LHFPL3: variants seen among roughly 807,000 people sequenced by gnomAD.
LHFPL3 encodes the protein LHFPL tetraspan subfamily member 3 protein.
LHFPL3 carries 5 observed loss-of-function variants against 19.3 expected under a neutral mutation model. The observed-to-expected ratio is 0.26, with a 90% CI of 0.14 to 0.54. LHFPL3 has a LOEUF of 0.54. LHFPL3 is among the 20% of genes least tolerant of loss of function. The probability of loss-of-function intolerance (pLI) is 0.94; values close to 1 mark genes in which losing one functional copy is unlikely to be tolerated. For missense variants in LHFPL3, 249 were observed against 307.4 expected (o/e 0.81, Z 1.42); for synonymous variants, 133 against 126.2 (o/e 1.05, Z -0.36).
chr7:104,824,754 TTATATATAA>T (rs1311723354), intron 2 of LHFPL3, among the ~76,000 whole-genome samples: 1 of 72,830 alleles, frequency 1.4e-5, no homozygotes, highest in Non-Finnish European at 2.7e-5. Flanking sequence ...TACTCATATA[TTATATATAA>T]TATATTATAT....
At chr7:104,571,174 TATA>T (rs1248723252) in intron 1 of LHFPL3, among the ~76,000 whole-genome samples, 1 of 152,242 alleles carries the variant, frequency 6.6e-6, no homozygotes, top group Non-Finnish European at 1.5e-5. Flanking sequence ...CTAAATGGAT[TATA>T]ATGTTAGTAA....
At chr7:104,620,814 C>T (rs1791431337) in intron 1 of LHFPL3, among the ~76,000 whole-genome samples, 1 of 152,192 alleles carries the variant, frequency 6.6e-6, no homozygotes, top group South Asian at 2.1e-4. Context: ...TACCCTGATA[C>T]CTTTCTGGCA....
At chr7:104,403,273 G>A (rs990553193) in intron 1 of LHFPL3, among the ~76,000 whole-genome samples, 3 of 152,172 alleles carry the variant, frequency 2.0e-5, no homozygotes, top group African/African-American at 7.2e-5. Flanking sequence ...TGACACACGG[G>A]CAAGGGTTGA....
At chr7:104,651,264 A>G (rs1792030005) in intron 1 of LHFPL3, among the ~76,000 whole-genome samples, 1 of 152,184 alleles carries the variant, frequency 6.6e-6, no homozygotes, top group South Asian at 2.1e-4. Context: ...AAGCTCTAAA[A>G]CTGGCAGAAA....
intron 1 of LHFPL3, among the ~76,000 whole-genome samples, chr7:104,726,763 C>T (rs1191194163): frequency 1.3e-5 from 2 of 152,140 alleles, no homozygotes; most frequent in East Asian, 1.9e-4. Context: ...TCCATGTCTT[C>T]GCTATTGTGA....
rs572768097 is a variant in LHFPL3, at chr7:104,437,375, C to T, written c.445+108151C>T. 1.7e-3 allele frequency among the ~76,000 whole-genome samples: 262 copies of T among 152,312 alleles called. 2 individuals are homozygous for T. The highest frequency in any genetic ancestry group is 6.1e-3 in the African/African-American group (252 of 41,562). ...AACACAACACAGAACACTTCTGATACAAGATGTGTGAGTTTTCCCCCACAT... is the reference window on the plus strand; with the variant it reads ...AACACAACACAGAACACTTCTGATATAAGATGTGTGAGTTTTCCCCCACAT... On this transcript the variant is annotated intron_variant, in intron 1 of 2. Transcript: ENST00000424859.
At chr7:104,645,671 T>TTC (rs1163238900) in intron 1 of LHFPL3, among the ~76,000 whole-genome samples, 3 of 136,888 alleles carry the variant, frequency 2.2e-5, no homozygotes, top group Non-Finnish European at 4.7e-5. Flanking sequence ...TTTTTTTTTT[T>TTC]TTTTTTTTAG....
intron 1 of LHFPL3, among the ~76,000 whole-genome samples, chr7:104,533,790 G>T (rs1425662537): frequency 6.6e-6 from 1 of 152,052 alleles, no homozygotes; most frequent in Non-Finnish European, 1.5e-5. Flanking sequence ...CGTGATCTTT[G>T]GTCTCCCTTT....
At chr7:104,352,611 T>C (rs759885799) in intron 1 of LHFPL3, among the ~76,000 whole-genome samples, 3 of 152,184 alleles carry the variant, frequency 2.0e-5, no homozygotes, top group Non-Finnish European at 4.4e-5. Context: ...ACCCTGCAAA[T>C]TGGAATTCCT....
intron 1 of LHFPL3, among the ~76,000 whole-genome samples, chr7:104,471,321 A>T (rs1480092005): frequency 6.6e-6 from 1 of 152,218 alleles, no homozygotes; most frequent in Non-Finnish European, 1.5e-5. Flanking sequence ...CCTTGACAAT[A>T]GTCAGTTGTG....
At chr7:104,540,350 C>G (rs1029492832) in intron 1 of LHFPL3, among the ~76,000 whole-genome samples, 11 of 152,058 alleles carry the variant, frequency 7.2e-5, no homozygotes, top group African/African-American at 2.7e-4. Context: ...GATTTTGCCC[C>G]CCAGGTTACA....
At chr7:104,602,535 C>T (rs1353472981) in intron 1 of LHFPL3, among the ~76,000 whole-genome samples, 1 of 152,158 alleles carries the variant, frequency 6.6e-6, no homozygotes. Context: ...AGGTGACCAG[C>T]AACTAGGTTT....
chr7:104,414,057 C>T (rs1791578010), intron 1 of LHFPL3, among the ~76,000 whole-genome samples: 1 of 151,638 alleles, frequency 6.6e-6, no homozygotes, highest in Non-Finnish European at 1.5e-5. Flanking sequence ...ATCCCTTTAT[C>T]CCTTGTAAAT....
At chr7:104,706,878 C>T (rs1748518399) in intron 1 of LHFPL3, among the ~76,000 whole-genome samples, 1 of 152,142 alleles carries the variant, frequency 6.6e-6, no homozygotes, top group South Asian at 2.1e-4. Flanking sequence ...CCATTCTTTG[C>T]ACATTCTTAT....
chr7:104,484,272 G>A (rs1268483603), intron 1 of LHFPL3, among the ~76,000 whole-genome samples: 3 of 152,134 alleles, frequency 2.0e-5, no homozygotes, highest in African/African-American at 7.2e-5. Context: ...ACAGACAGGT[G>A]CTAGTGACAT....
At chr7:104,535,643 A>T (rs979277231) in intron 1 of LHFPL3, among the ~76,000 whole-genome samples, 6 of 152,174 alleles carry the variant, frequency 3.9e-5, no homozygotes, top group Non-Finnish European at 8.8e-5. Context: ...GAAAACTGTG[A>T]TTTGTTGTTT....
At chr7:104,783,387 T>G (rs2465064) in intron 2 of LHFPL3, among the ~76,000 whole-genome samples, 151,877 of 152,338 alleles carry the variant, frequency 1, 75,710 homozygotes, top group Middle Eastern at 1. Context: ...GTTCCCACAG[T>G]CAGGGACTGT....
At chr7:104,603,039 TAA>T (rs1413756752) in intron 1 of LHFPL3, among the ~76,000 whole-genome samples, 3 of 152,142 alleles carry the variant, frequency 2.0e-5, no homozygotes, top group Admixed American at 2.0e-4. Context: ...CAATGAGGAT[TAA>T]GTTTTCTTTT....
intron 2 of LHFPL3, among the ~76,000 whole-genome samples, chr7:104,831,333 AT>A (rs1255642399): frequency 6.6e-6 from 1 of 152,018 alleles, no homozygotes; most frequent in Non-Finnish European, 1.5e-5. Context: ...GGAAAATTCA[AT>A]TCGGTCATAA....
Sources: allele counts gnomAD v4.1 joint callset (sites outside exome capture counted in the v4.1 genomes callset), GRCh38; gene constraint gnomAD v4.1.1; transcripts MANE v1.5; gene names NCBI Gene and HGNC (gene_info 2026-07-23, HGNC 2026-07-21).